The following SLC38A1 variants were observed in gnomAD, a reference collection of about 807,000 sequenced individuals.
SLC38A1 encodes the protein sodium-coupled neutral amino acid symporter 1.
A neutral mutation model predicts 60.3 loss-of-function variants in SLC38A1; 18 were observed. The ratio of observed to expected loss-of-function variants is 0.30; its 90% CI spans 0.21 to 0.44. The LOEUF (loss-of-function observed/expected upper bound fraction) is 0.44. Among genes scored for constraint, SLC38A1 ranks in the 20% least tolerant of loss-of-function variants. The pLI, the probability that SLC38A1 is intolerant of heterozygous loss-of-function variation, is 1.00. For missense variants in SLC38A1, 448 were observed against 587.2 expected, an observed-to-expected ratio of 0.76 and a Z score of 2.45; for synonymous variants, 196 against 212.1, an observed-to-expected ratio of 0.92 and a Z score of 0.66.
chr12:46,267,718 T>C (rs1166126191), intron 1 of SLC38A1: 1 of 152,232 alleles, frequency 6.6e-6, no homozygotes, highest in East Asian at 1.9e-4. Flanking sequence ...GGACGCGAAC[T>C]AGGTGCCGGG....
intron 1 of SLC38A1, among the ~76,000 whole-genome samples, chr12:46,246,021 T>C (rs1941602688): frequency 6.6e-6 from 1 of 152,210 alleles, no homozygotes; most frequent in Admixed American, 6.5e-5. Flanking sequence ...TATTTCTTGA[T>C]CTCTGTCACG....
intron 1 of SLC38A1, among the ~76,000 whole-genome samples, chr12:46,263,089 T>A (rs949497418): frequency 3.3e-5 from 5 of 152,136 alleles, no homozygotes; most frequent in East Asian, 1.9e-4. Context: ...TGGAACAAAC[T>A]GGGGAGCTTT....
intron 11 of SLC38A1, 29 bp from the exon 12 acceptor site, chr12:46,203,118 GA>G (rs754841860): frequency 6.4e-7 from 1 of 1,571,948 alleles, no homozygotes; most frequent in South Asian, 1.1e-5. Context: ...TAGACATTAG[GA>G]AAAACACTTT....
chr12:46,229,766 A>T, intron 3 of SLC38A1, 127 bp from the exon 4 acceptor site: 1 of 793,698 alleles, frequency 1.3e-6, no homozygotes, highest in Non-Finnish European at 2.0e-6. Context: ...AAGAGTTTAC[A>T]GCCCTATTCA....
At chr12:46,209,808 T>C (rs955466609) in intron 5 of SLC38A1, among the ~76,000 whole-genome samples, 1 of 152,188 alleles carries the variant, frequency 6.6e-6, no homozygotes, top group South Asian at 2.1e-4. Flanking sequence ...TTAGTACATC[T>C]GGGTCATTAT....
At chr12:46,197,597 A>ACAG (rs1380281192) in intron 16 of SLC38A1, 123 bp downstream of exon 16, 41 of 708,116 alleles carry the variant, frequency 5.8e-5, no homozygotes, top group Non-Finnish European at 9.3e-5. Flanking sequence ...TAGCAAAGCT[A>ACAG]CAGGGCTTCT....
chr12:46,256,161 A>G (rs7971312), intron 1 of SLC38A1, among the ~76,000 whole-genome samples: 77,057 of 136,766 alleles, frequency 0.56, 21,221 homozygotes, highest in African/African-American at 0.61. Flanking sequence ...GAGAGGTTCT[A>G]TCTCAAAAAA....
At chr12:46,199,611 G>A (rs1939559241) in intron 13 of SLC38A1, among the ~76,000 whole-genome samples, 1 of 150,086 alleles carries the variant, frequency 6.7e-6, no homozygotes, top group South Asian at 2.1e-4. Context: ...CACCTACCTT[G>A]GCCTCCCAAA....
rs1942416671 is a variant in SLC38A1 at position 46,268,031 on chromosome 12, C to A, written c.-209+495G>T. Among the ~76,000 whole-genome samples the A allele has an allele frequency of 6.6e-6, 1 of 152,182 alleles. No homozygotes were observed. Among genetic ancestry groups the A allele is most frequent in the African/African-American group, 2.4e-5 (1 of 41,452 alleles). On this transcript the variant is annotated intron_variant, in intron 1 of 16. Coordinates refer to ENST00000398637, the MANE Select transcript of SLC38A1 (RefSeq NM_030674.4). This position sits in a 1 kb window ranked among gnomAD's most constrained non-coding sequence, Gnocchi z 4.4. The stretch of plus-strand genomic sequence containing the variant: ...GTGGTGGTCCGCGGCCGCTACCCAG[C>A]CGGCCGCACGCAGCACCCCCCGGAC...
intron 9 of SLC38A1, 142 bp downstream of exon 9, chr12:46,205,937 AC>A (rs1939877484): frequency 1.9e-6 from 1 of 516,192 alleles, no homozygotes; most frequent in Middle Eastern, 2.8e-4. Flanking sequence ...TAAAGTTGGG[AC>A]CGATTAATAC....
chr12:46,234,257 CA>C (rs1229092049), intron 3 of SLC38A1, among the ~76,000 whole-genome samples: 1 of 152,224 alleles, frequency 6.6e-6, no homozygotes, highest in Admixed American at 6.5e-5. Flanking sequence ...ATTAGCAACT[CA>C]GAGGAGCTCT....
intron 13 of SLC38A1, 65 bp from the exon 14 acceptor site, chr12:46,198,808 T>C: frequency 1.0e-6 from 1 of 970,116 alleles, no homozygotes; most frequent in Non-Finnish European, 1.6e-6. Flanking sequence ...ATGACAGTTT[T>C]TCTGAAAAAC....
chr12:46,187,700 G>C lies in SLC38A1; in HGVS notation c.*1270C>G, dbSNP rs538544925. 1 of 152,064 alleles carries C rather than the reference G, an allele frequency of 6.6e-6. No individual in the cohort carries two copies. The highest frequency in any genetic ancestry group is 1.9e-4 in the East Asian group (1 of 5,160). 9.4% of individuals were successfully genotyped at this position (152,064 alleles called of 1,614,324 possible). ...GAAGAGGAGACAGCACAGACACTGA[G>C]ACCCCCTTGTCTTCCTCATCTGGGG... On this transcript the variant is annotated 3_prime_UTR_variant, in exon 17 of 17. Coordinates refer to ENST00000398637, the MANE Select transcript of SLC38A1 (RefSeq NM_030674.4).
rs1212011166 is a variant in SLC38A1, at chr12:46,183,449, T to TTA, written c.*5519_*5520dup. 1 of 152,210 alleles carries TTA rather than the reference T, an allele frequency of 6.6e-6. No homozygotes were observed. Among genetic ancestry groups the TTA allele is most frequent in the Non-Finnish European group, 1.5e-5 (1 of 68,026 alleles). 9.4% of individuals were successfully genotyped at this position (152,210 alleles called of 1,614,324 possible). On this transcript the variant is annotated 3_prime_UTR_variant, in exon 17 of 17. Transcript: ENST00000398637. ...AACATGCAGGACTTTCAAAGCTTGA[T>TTA]TAGATAATGGTTCTTTGTTTTCTTT...
Position 46,257,257 on chromosome 12 carries a change from A to G in SLC38A1, c.-209+11269T>C, listed in dbSNP as rs1592155341. On this transcript the variant is annotated intron_variant, in intron 1 of 16. Coordinates refer to ENST00000398637, the MANE Select transcript of SLC38A1 (RefSeq NM_030674.4). ...CCAGGCAGATTAATCCAAAGAGAAT[A>G]GCAGTTAACAGGCTGTAGTACCAAG... is the stretch of plus-strand genomic sequence containing the variant. Among the ~76,000 whole-genome samples, 4 of 152,350 alleles carry G rather than the reference A, an allele frequency of 2.6e-5. 1 individual carries two copies. Among genetic ancestry groups the G allele is most frequent in the Admixed American group, 2.6e-4 (4 of 15,310 alleles).
chr12:46,237,301 G>A (rs936510924), intron 3 of SLC38A1, among the ~76,000 whole-genome samples: 2 of 152,176 alleles, frequency 1.3e-5, no homozygotes, highest in Non-Finnish European at 2.9e-5. Context: ...AGTTTTTGCA[G>A]GAATCATGGA....
intron 3 of SLC38A1, among the ~76,000 whole-genome samples, chr12:46,231,621 C>A (rs1941079336): frequency 6.6e-6 from 1 of 152,154 alleles, no homozygotes; most frequent in South Asian, 2.1e-4. Flanking sequence ...TTTAATGAAG[C>A]AATGATGCAT....
rs143536703 is a variant in SLC38A1 at position 46,193,319 on chromosome 12, T to C, written c.1363-4248A>G. Among the ~76,000 whole-genome samples the C allele has an allele frequency of 4.0e-4, 61 of 152,344 alleles. 1 individual carries two copies. Among genetic ancestry groups the C allele is most frequent in the African/African-American group, 1.3e-3 (53 of 41,592 alleles). ...GACAGTTTGCTGTGATTTCTGTTCT[T>C]TTACATTTGCGGAGGAGTGTTTTAC... On this transcript the variant is annotated intron_variant, in intron 16 of 16. Transcript: ENST00000398637.
At chr12:46,260,944 A>G (rs1183458823) in intron 1 of SLC38A1, among the ~76,000 whole-genome samples, 3 of 152,148 alleles carry the variant, frequency 2.0e-5, no homozygotes, top group African/African-American at 7.2e-5. Flanking sequence ...CTTGCCAATC[A>G]TAACTGTTCC....
Sources: gnomAD v4.1 joint callset for allele counts (sites outside exome capture counted in the v4.1 genomes callset) on GRCh38, gnomAD v4.1.1 for gene constraint, Gnocchi (gnomAD v3.1) non-coding constraint, MANE v1.5 for transcripts, NCBI Gene and HGNC (gene_info 2026-07-23, HGNC 2026-07-21) for gene names.